Variants in HYDIN observed in about 807,000 individuals in gnomAD.
HYDIN encodes the protein HYDIN axonemal central pair apparatus protein.
Under a neutral mutation model 403.9 loss-of-function variants are expected in HYDIN, and 132 were observed. The observed-to-expected ratio is 0.33, with a 90% CI of 0.28 to 0.38. The LOEUF is 0.38. Among genes scored for constraint, HYDIN ranks in the 10% least tolerant of loss-of-function variants. The pLI, the probability that HYDIN is intolerant of heterozygous loss-of-function variation, is 1.00. For synonymous variants in HYDIN, 1,202 were observed against 1,891.7 expected (o/e 0.64, Z 9.46); for missense variants, 2,827 against 5,009.5 (o/e 0.56, Z 13.15).
intron 40 of HYDIN, among the ~76,000 whole-genome samples, chr16:70,953,625 C>T (rs2078140037): frequency 6.6e-6 from 1 of 152,118 alleles, no homozygotes; most frequent in Admixed American, 6.5e-5. Context: ...GCAAACATTC[C>T]TCCTGGCTCA....
chr16:71,228,248 T>C (rs1471938612), intron 1 of HYDIN, among the ~76,000 whole-genome samples: 9 of 151,970 alleles, frequency 5.9e-5, no homozygotes, highest in Non-Finnish European at 1.2e-4. Flanking sequence ...GACATAGGCA[T>C]GGGCAAGGAC....
Position 71,175,818 on chromosome 16 carries a change from A to ACT in HYDIN, c.382-79_382-78dup, listed in dbSNP as rs1280119533. 28 of 1,440,342 alleles carry ACT rather than the reference A, an allele frequency of 1.9e-5. No individual in the cohort carries two copies. In the East Asian group the frequency reaches 6.4e-4, roughly 33 times the overall value. 89.2% of individuals were successfully genotyped at this position (1,440,342 alleles called of 1,614,324 possible). A position where few individuals can be genotyped will look rare whatever the true frequency, so the allele number is the denominator to read the frequency against. On this transcript the variant is annotated intron_variant, in intron 4 of 85. Coordinates refer to ENST00000393567, the MANE Select transcript of HYDIN (RefSeq NM_001270974.2). The stretch of plus-strand genomic sequence containing the variant: ...AAACACAGACTGAAATCCATCAACT[A>ACT]CTTACTAGACGTGTGACCTTGGTCA...
At chr16:71,008,237 C>T (rs2079953296) in intron 23 of HYDIN, among the ~76,000 whole-genome samples, 1 of 151,610 alleles carries the variant, frequency 6.6e-6, no homozygotes, top group African/African-American at 2.4e-5. Context: ...ACTTTAGCCT[C>T]ATGCAATATT....
chr16:71,087,155 T>C (rs572611398), intron 12 of HYDIN, among the ~76,000 whole-genome samples: 1 of 152,320 alleles, frequency 6.6e-6, no homozygotes, highest in African/African-American at 2.4e-5. Flanking sequence ...CAGGCTGCTT[T>C]GGTCATGCCA....
chr16:70,957,786 AATTCACC>A (rs1394831608), intron 39 of HYDIN, among the ~76,000 whole-genome samples: 1 of 119,758 alleles, frequency 8.4e-6, no homozygotes, highest in Non-Finnish European at 1.7e-5. Context: ...ATGGCAATAA[AATTCACC>A]ATATAAATGT....
chr16:70,841,336 G>A (rs1282291994), intron 75 of HYDIN, among the ~76,000 whole-genome samples: 1 of 152,036 alleles, frequency 6.6e-6, no homozygotes, highest in East Asian at 1.9e-4. Flanking sequence ...TTACGTTTCT[G>A]TTTGCTCTAA....
Position 70,860,726 on chromosome 16 carries a change from C to G in HYDIN, c.11953G>C (p.Glu3985Gln). The G allele has an allele frequency of 1.8e-6, 1 of 560,894 alleles. No individual in the cohort carries two copies. Among genetic ancestry groups the G allele is most frequent in the South Asian group, 2.0e-5 (1 of 49,350 alleles). The allele number at this position is 560,894 out of a possible 1,614,324, so 34.7% of individuals were successfully genotyped here. Residue 3985 changes from glutamate to glutamine, a missense_variant, in exon 70 of 86, where the codon GAG becomes CAG. Coordinates refer to ENST00000393567, the MANE Select transcript of HYDIN (RefSeq NM_001270974.2). ...CCTCCTATGCCCACAGTGGTGAACT[C>G]AATCACCCGGGTGTTTGGATCCAGA... The part of the protein sequence containing the change: ...GALDPNTRVI[E>Q]FTTVGIGGKN...
chr16:71,118,081 C>T (rs58500897), intron 9 of HYDIN, among the ~76,000 whole-genome samples: 1 of 152,132 alleles, frequency 6.6e-6, no homozygotes, highest in Non-Finnish European at 1.5e-5. Flanking sequence ...TCTGTGACCC[C>T]CTCTGGGCTG....
chr16:70,861,987 A>T, intron 69 of HYDIN, 61 bp downstream of exon 69: 1 of 1,457,208 alleles, frequency 6.9e-7, no homozygotes, highest in Non-Finnish European at 9.1e-7. Context: ...AGAAAAGGGG[A>T]TAAGAGCCAC....
chr16:71,137,924 C>A (rs2084996996), intron 7 of HYDIN, among the ~76,000 whole-genome samples: 1 of 147,760 alleles, frequency 6.8e-6, no homozygotes, highest in Non-Finnish European at 1.5e-5. Context: ...AAGAAACACA[C>A]ACACACATAC....
chr16:71,017,328 C>T (rs541690039), intron 23 of HYDIN, among the ~76,000 whole-genome samples: 10 of 136,108 alleles, frequency 7.3e-5, no homozygotes, highest in Middle Eastern at 3.9e-3. Context: ...CCAGCCTGGG[C>T]GACAAGAGCG....
In HYDIN at chr16:70,806,624, C is replaced by T. The variant is rs2035119494; in HGVS notation, c.*956G>A. Among the ~76,000 whole-genome samples the T allele has an allele frequency of 6.6e-6, 1 of 152,158 alleles. No individual in the cohort carries two copies. The highest frequency in any genetic ancestry group is 1.5e-5 in the Non-Finnish European group (1 of 68,040). On this transcript the variant is annotated 3_prime_UTR_variant, in exon 86 of 86. Transcript: ENST00000393567. ...TTTACGGCATTCATTCCCAAGAGGCCATCTTCTTCCAGTCTCCTGCCCCTC... is the reference window on the plus strand; with the variant it reads ...TTTACGGCATTCATTCCCAAGAGGCTATCTTCTTCCAGTCTCCTGCCCCTC...
intron 1 of HYDIN, among the ~76,000 whole-genome samples, chr16:71,193,166 T>C (rs898468030): frequency 1.3e-5 from 2 of 152,232 alleles, no homozygotes; most frequent in Non-Finnish European, 2.9e-5. Context: ...ATAGGGATCA[T>C]GTGTAATTGG....
intron 47 of HYDIN, among the ~76,000 whole-genome samples, chr16:70,911,584 T>G (rs1308031878): frequency 6.8e-6 from 1 of 146,362 alleles, no homozygotes. Flanking sequence ...AGTCTTGCTT[T>G]GGCTATGTGG....
chr16:71,069,460 A>G lies in HYDIN; in HGVS notation c.1781T>C (p.Leu594Ser). The G allele has an allele frequency of 6.2e-7, 1 of 1,613,990 alleles. No homozygotes were observed. Among genetic ancestry groups the G allele is most frequent in the Admixed American group, 1.7e-5 (1 of 60,026 alleles). ...TLICSLNNTS[L>S]IPMTYKLRIP... is the part of the protein sequence containing the mutation. The stretch of plus-strand genomic sequence containing the variant: ...ACGCAGTTTGTAAGTCATGGGGATC[A>G]AAGAGGTATTATTGAGGGAACATAT... Residue 594 changes from leucine (L) to serine (S), a missense_variant, in exon 14 of 86, where the codon TTG becomes TCG. Transcript: ENST00000393567.
At chr16:70,931,235 T>TA (rs976525348) in intron 45 of HYDIN, among the ~76,000 whole-genome samples, 7 of 133,504 alleles carry the variant, frequency 5.2e-5, no homozygotes, top group South Asian at 2.5e-4. Flanking sequence ...TTTTTTTTTT[T>TA]AATACAGGGT....
chr16:70,832,478 G>C (rs576198746), intron 80 of HYDIN, among the ~76,000 whole-genome samples: 122 of 151,864 alleles, frequency 8.0e-4, no homozygotes, highest in Non-Finnish European at 1.4e-3. Context: ...GTGTTGCTAG[G>C]TAACACAGCT....
At chr16:71,033,819 T>C (rs1026961829) in intron 18 of HYDIN, among the ~76,000 whole-genome samples, 1 of 151,692 alleles carries the variant, frequency 6.6e-6, no homozygotes, top group Non-Finnish European at 1.5e-5. Context: ...TTTGATTGCT[T>C]TGTCATTTAG....
rs552207828 is a variant in HYDIN at position 71,190,856 on chromosome 16, G to A, written c.-23-3938C>T. ...CCTACCAGCCCAATTGCAGGAGATA[G>A]AGGGAAAGAGGAACATGTATGTTCT... On this transcript the variant is annotated intron_variant, in intron 1 of 85. Transcript: ENST00000393567. 1.2e-4 allele frequency among the ~76,000 whole-genome samples: 19 copies of A among 152,324 alleles called. No homozygotes were observed. In the South Asian group the frequency reaches 3.7e-3, roughly 30 times the overall value.
Sources: allele counts gnomAD v4.1 joint callset (sites outside exome capture counted in the v4.1 genomes callset), GRCh38; gene constraint gnomAD v4.1.1; transcripts MANE v1.5; gene names NCBI Gene and HGNC (gene_info 2026-07-23, HGNC 2026-07-21).